OPCML: variants seen among roughly 807,000 people sequenced by gnomAD.
OPCML encodes the protein opioid binding protein/cell adhesion molecule like.
In OPCML, 13 loss-of-function variants were observed where a neutral mutation model predicts 37.8. The ratio of observed to expected loss-of-function variants is 0.34; its 90% CI spans 0.22 to 0.55. The LOEUF (loss-of-function observed/expected upper bound fraction) is 0.55, where lower values mean the gene tolerates loss of function less well. Among genes scored for constraint, OPCML ranks in the 20% least tolerant of loss-of-function variants. The probability of loss-of-function intolerance (pLI) is 0.91; values close to 1 mark genes in which losing one functional copy is unlikely to be tolerated. For missense variants in OPCML, 341 were observed against 435.6 expected, an observed-to-expected ratio of 0.78 and a Z score of 1.93; for synonymous variants, 176 against 168.8, an observed-to-expected ratio of 1.04 and a Z score of -0.33.
chr11:132,879,185 A>T (rs1050328674), intron 2 of OPCML, among the ~76,000 whole-genome samples: 3 of 152,242 alleles, frequency 2.0e-5, no homozygotes, highest in Admixed American at 2.0e-4. Context: ...ACTATTTCAC[A>T]CATATTTATA....
chr11:133,455,546 T>C (rs531657759), intron 1 of OPCML, among the ~76,000 whole-genome samples: 2 of 152,282 alleles, frequency 1.3e-5, no homozygotes, highest in South Asian at 4.1e-4. Flanking sequence ...AAAACAATTC[T>C]CCAGTTTGTT....
chr11:132,440,158 C>G (rs1418723879), intron 4 of OPCML, among the ~76,000 whole-genome samples: 1 of 152,050 alleles, frequency 6.6e-6, no homozygotes, highest in African/African-American at 2.4e-5. Context: ...GTCTGTGATG[C>G]TGTTTTTATG....
chr11:133,308,701 C>T (rs1942993681), intron 1 of OPCML, among the ~76,000 whole-genome samples: 1 of 152,020 alleles, frequency 6.6e-6, no homozygotes, highest in Admixed American at 6.6e-5. Context: ...TACCATTCAT[C>T]AGTACAAAAA....
At chr11:132,497,600 GA>G (rs1288568386) in intron 4 of OPCML, among the ~76,000 whole-genome samples, 3 of 151,998 alleles carry the variant, frequency 2.0e-5, no homozygotes, top group Non-Finnish European at 4.4e-5. Flanking sequence ...TATTTCTGAA[GA>G]AAGAACATTC....
chr11:133,485,823 G>C (rs1441916276), intron 1 of OPCML, among the ~76,000 whole-genome samples: 2 of 152,188 alleles, frequency 1.3e-5, no homozygotes, highest in African/African-American at 2.4e-5. Flanking sequence ...CACATTCCCA[G>C]CTGAGGTTAA....
chr11:133,231,978 C>T (rs1212805386), intron 1 of OPCML, among the ~76,000 whole-genome samples: 1 of 77,434 alleles, frequency 1.3e-5, no homozygotes, highest in Non-Finnish European at 2.5e-5. Context: ...ATGTAAAAGG[C>T]TTAGGATCCT....
At chr11:132,497,139 A>T (rs903927173) in intron 4 of OPCML, among the ~76,000 whole-genome samples, 23 of 152,150 alleles carry the variant, frequency 1.5e-4, no homozygotes, top group African/African-American at 4.8e-4. Context: ...CGAACTCAGA[A>T]ACAGAAAACC....
At chr11:132,650,389 A>C (rs946533471) in intron 3 of OPCML, among the ~76,000 whole-genome samples, 4 of 152,206 alleles carry the variant, frequency 2.6e-5, no homozygotes, top group African/African-American at 9.7e-5. Context: ...AATTACACTG[A>C]CAAGTTGTCA....
chr11:132,708,095 A>G (rs2135940729), intron 2 of OPCML, among the ~76,000 whole-genome samples: 1 of 152,328 alleles, frequency 6.6e-6, no homozygotes, highest in East Asian at 1.9e-4. Flanking sequence ...CATGTTTTGA[A>G]GTAATATTAT....
At chr11:133,192,284 G>A (rs1008338901) in intron 1 of OPCML, among the ~76,000 whole-genome samples, 14 of 152,174 alleles carry the variant, frequency 9.2e-5, no homozygotes, top group Non-Finnish European at 1.8e-4. Flanking sequence ...AATTTGGACA[G>A]GGAGGAAGCT....
intron 2 of OPCML, among the ~76,000 whole-genome samples, chr11:132,757,331 G>A (rs1240470750): frequency 6.6e-6 from 1 of 152,158 alleles, no homozygotes; most frequent in Non-Finnish European, 1.5e-5. Context: ...TTGGATTGCT[G>A]GGTCAAATGG....
intron 2 of OPCML, among the ~76,000 whole-genome samples, chr11:132,674,066 A>T (rs565197653): frequency 6.6e-6 from 1 of 152,328 alleles, no homozygotes; most frequent in East Asian, 1.9e-4. Context: ...AAGTGTTTAG[A>T]TAAAGCAGAC....
intron 2 of OPCML, among the ~76,000 whole-genome samples, chr11:132,694,035 T>C (rs1943507261): frequency 6.6e-6 from 1 of 152,116 alleles, no homozygotes; most frequent in Admixed American, 6.6e-5. Flanking sequence ...CTCTGCAGGA[T>C]GACTGAGAGA....
At chr11:132,823,202 T>A (rs1337076144) in intron 2 of OPCML, among the ~76,000 whole-genome samples, 1 of 152,162 alleles carries the variant, frequency 6.6e-6, no homozygotes, top group African/African-American at 2.4e-5. Context: ...CCCTGTTCCA[T>A]TTTTTTCTCC....
intron 1 of OPCML, among the ~76,000 whole-genome samples, chr11:133,294,815 C>CTTTTTTTTTT (rs59382534): frequency 8.8e-5 from 5 of 56,558 alleles, no homozygotes; most frequent in East Asian, 7.7e-4. Context: ...TTCTTTCTTT[C>CTTTTTTTTTT]TTTTTTTTTT....
Position 132,539,533 on chromosome 11 carries a change from G to T in OPCML, c.380-10347C>A, listed in dbSNP as rs1036735691. On this transcript the variant is annotated intron_variant, in intron 3 of 7. Coordinates refer to ENST00000524381, the MANE Select transcript of OPCML (RefSeq NM_001012393.5). ...ACATGCTGCTGCTGCTGCTGCTGCT[G>T]ATGATGATGATGATGAAGATCATGG... 2.1e-5 allele frequency among the ~76,000 whole-genome samples: 3 copies of T among 146,004 alleles called. No homozygotes were observed. The South Asian group carries it at 6.5e-4, about 32-fold the overall frequency.
chr11:132,733,513 A>G (rs142517246), intron 2 of OPCML, among the ~76,000 whole-genome samples: 4 of 152,300 alleles, frequency 2.6e-5, no homozygotes, highest in African/African-American at 9.6e-5. Context: ...CAAGATAGTG[A>G]AGGTTTGGAA....
chr11:133,219,755 G>GA (rs1939738699), intron 1 of OPCML, among the ~76,000 whole-genome samples: 2 of 151,952 alleles, frequency 1.3e-5, no homozygotes, highest in Non-Finnish European at 2.9e-5. Context: ...GCCCCCTGGA[G>GA]GACATTTGGC....
chr11:132,787,308 A>G (rs542605992), intron 2 of OPCML, among the ~76,000 whole-genome samples: 1 of 152,344 alleles, frequency 6.6e-6, no homozygotes, highest in Admixed American at 6.5e-5. Context: ...CTCTGAGCTT[A>G]AATTCCTTTA....
Sources: gnomAD v4.1 joint callset for allele counts (sites outside exome capture counted in the v4.1 genomes callset) on GRCh38, gnomAD v4.1.1 for gene constraint, MANE v1.5 for transcripts, NCBI Gene and HGNC (gene_info 2026-07-23, HGNC 2026-07-21) for gene names.